CRB1: variants seen among roughly 807,000 people sequenced by gnomAD.
The protein encoded by CRB1 is protein crumbs homolog 1.
CRB1 carries 83 observed loss-of-function variants against 120.0 expected under a neutral mutation model. The observed-to-expected ratio is 0.69, with a 90% CI of 0.58 to 0.83. The LOEUF (loss-of-function observed/expected upper bound fraction) is 0.83. CRB1 is among the 40% of genes least tolerant of loss of function. CRB1 has a pLI of 0.00. For synonymous variants in CRB1, 625 were observed against 612.5 expected (o/e 1.02, Z -0.30); for missense variants, 1,699 against 1,687.6 (o/e 1.01, Z -0.12).
At position 197,425,447 on chromosome 1, in the gene CRB1, C is replaced by G. The variant is rs139647005; in HGVS notation, c.2129-2007C>G. On this transcript the variant is annotated intron_variant, in intron 6 of 11. Transcript: ENST00000367400. ...AAACTAAAATGTGTCTTACCTTTGC[C>G]CAAACTTCAGCTGGGCCATATGATG... Among the ~76,000 whole-genome samples, 318 of 152,200 alleles carry G rather than the reference C, an allele frequency of 2.1e-3. 1 individual carries two copies. The highest frequency in any genetic ancestry group is 2.7e-3 in the Non-Finnish European group (184 of 68,020).
intron 5 of CRB1, among the ~76,000 whole-genome samples, chr1:197,412,540 T>TA (rs1315229307): frequency 6.6e-6 from 1 of 152,198 alleles, no homozygotes; most frequent in African/African-American, 2.4e-5. Context: ...CCCTGAGGGC[T>TA]ATTAGAAATG....
At chr1:197,291,291 G>A (rs1371836587) in intron 1 of CRB1, among the ~76,000 whole-genome samples, 1 of 151,666 alleles carries the variant, frequency 6.6e-6, no homozygotes, top group East Asian at 1.9e-4. Context: ...CCATTCTAAC[G>A]AATTGATTTT....
chr1:197,398,214 C>G (rs897624326), intron 5 of CRB1, among the ~76,000 whole-genome samples: 2 of 152,180 alleles, frequency 1.3e-5, no homozygotes, highest in Non-Finnish European at 2.9e-5. Flanking sequence ...CAATGCTGCT[C>G]TCTCCTAATC....
the CRB1 span, among the ~76,000 whole-genome samples, chr1:197,242,088 G>T: frequency 6.6e-6 from 1 of 152,060 alleles, no homozygotes; most frequent in African/African-American, 2.4e-5. Flanking sequence ...GGAGATTTTG[G>T]GCTGAGATGA....
At chr1:197,466,272 C>T (rs991371918) in intron 11 of CRB1, among the ~76,000 whole-genome samples, 7 of 152,182 alleles carry the variant, frequency 4.6e-5, no homozygotes, top group African/African-American at 1.7e-4. Flanking sequence ...TAATGCAGGT[C>T]TGAGGCATAA....
chr1:197,440,589 ATACATGTG>A (rs1324452292), intron 10 of CRB1: 1 of 152,226 alleles, frequency 6.6e-6, no homozygotes. Flanking sequence ...GATGCTGATA[ATACATGTG>A]TATCTATTGT....
intron 11 of CRB1, among the ~76,000 whole-genome samples, chr1:197,453,539 TAGAGAG>T (rs1181738570): frequency 5.1e-5 from 3 of 58,500 alleles, no homozygotes; most frequent in Admixed American, 2.7e-4. Flanking sequence ...TATATATATA[TAGAGAG>T]AGAGACAGAG....
At chr1:197,399,734 A>T (rs1437483219) in intron 5 of CRB1, among the ~76,000 whole-genome samples, 1 of 152,116 alleles carries the variant, frequency 6.6e-6, no homozygotes, top group Non-Finnish European at 1.5e-5. Context: ...GTCTCCTCTG[A>T]TGGCTCAACA....
intron 1 of CRB1, among the ~76,000 whole-genome samples, chr1:197,294,708 A>G (rs1656412247): frequency 6.6e-6 from 1 of 152,196 alleles, no homozygotes; most frequent in South Asian, 2.1e-4. Flanking sequence ...CATATACACC[A>G]TGGAATACTA....
intron 5 of CRB1, among the ~76,000 whole-genome samples, chr1:197,371,819 C>G (rs1222962646): frequency 3.9e-5 from 6 of 152,124 alleles, no homozygotes; most frequent in Admixed American, 2.6e-4. Flanking sequence ...CAGTAAGAAG[C>G]CTGCTCCTTG....
At chr1:197,297,008 C>G (rs1027337048) in intron 1 of CRB1, among the ~76,000 whole-genome samples, 3 of 152,030 alleles carry the variant, frequency 2.0e-5, no homozygotes, top group Non-Finnish European at 4.4e-5. Flanking sequence ...ATACACAAGT[C>G]TCCTCCTTGA....
At chr1:197,273,195 G>A (rs999438340) in intron 1 of CRB1, among the ~76,000 whole-genome samples, 1 of 151,994 alleles carries the variant, frequency 6.6e-6, no homozygotes, top group Admixed American at 6.6e-5. Context: ...TTGAGTTCTG[G>A]CCAGGTATTT....
the CRB1 span, among the ~76,000 whole-genome samples, chr1:197,246,911 G>A: frequency 6.6e-6 from 1 of 151,968 alleles, no homozygotes; most frequent in African/African-American, 2.4e-5. Flanking sequence ...TTACATCATG[G>A]AATTACTTAC....
chr1:197,353,390 C>G (rs2786100), intron 4 of CRB1, among the ~76,000 whole-genome samples: 126,199 of 152,206 alleles, frequency 0.83, 52,647 homozygotes, highest in African/African-American at 0.92. Flanking sequence ...TTAAAGTAAA[C>G]ACATACTATG....
At chr1:197,354,338 A>G (rs868691377) in intron 4 of CRB1, among the ~76,000 whole-genome samples, 1 of 152,316 alleles carries the variant, frequency 6.6e-6, no homozygotes, top group South Asian at 2.1e-4. Flanking sequence ...GCCATGTATA[A>G]TTGTGTCCGA....
intron 5 of CRB1, chr1:197,364,038 C>A: frequency 7.3e-7 from 1 of 1,376,990 alleles, no homozygotes. Flanking sequence ...AGATCAACTT[C>A]TTGATGCGAA....
chr1:197,375,401 G>T (rs1391330328), intron 5 of CRB1, among the ~76,000 whole-genome samples: 2 of 152,122 alleles, frequency 1.3e-5, no homozygotes, highest in African/African-American at 4.8e-5. Flanking sequence ...TGTTTTCATA[G>T]CAGGCAGTAA....
intron 1 of CRB1, among the ~76,000 whole-genome samples, chr1:197,322,915 T>G (rs927624882): frequency 1.6e-4 from 25 of 152,216 alleles, no homozygotes; most frequent in Admixed American, 6.5e-4. Flanking sequence ...CTAGCACATA[T>G]TAGATGCATA....
At chr1:197,387,485 C>A (rs554269290) in intron 5 of CRB1, among the ~76,000 whole-genome samples, 1 of 152,008 alleles carries the variant, frequency 6.6e-6, no homozygotes, top group East Asian at 1.9e-4. Flanking sequence ...CAGAAAGTTC[C>A]CTGTGCCGCT....
Sources: gnomAD v4.1 joint callset for allele counts (sites outside exome capture counted in the v4.1 genomes callset) on GRCh38, gnomAD v4.1.1 for gene constraint, MANE v1.5 for transcripts, NCBI Gene and HGNC (gene_info 2026-07-23, HGNC 2026-07-21) for gene names.